Variants in COPG2 observed in about 807,000 individuals in gnomAD.
COPG2 encodes the protein coat protein complex I subunit gamma 2, also known as coatomer subunit gamma-2.
A neutral mutation model predicts 46.3 loss-of-function variants in COPG2; 37 were observed. The ratio of observed to expected loss-of-function variants is 0.80; its 90% CI spans 0.61 to 1.05. COPG2 has a LOEUF of 1.05. COPG2 is among the 50% of genes least tolerant of loss of function. The pLI is 0.00. For synonymous variants in COPG2, 159 were observed against 129.7 expected, an observed-to-expected ratio of 1.23 and a Z score of -1.53; for missense variants, 427 against 387.8, an observed-to-expected ratio of 1.10 and a Z score of -0.85.
At chr7:130,556,539 T>C (rs1793629885) in intron 12 of COPG2, among the ~76,000 whole-genome samples, 1 of 152,186 alleles carries the variant, frequency 6.6e-6, no homozygotes, top group African/African-American at 2.4e-5. Context: ...ATAATGTTTG[T>C]ATGAAGCAAT....
intron 20 of COPG2, among the ~76,000 whole-genome samples, chr7:130,510,436 G>A (rs1554440880): frequency 1.3e-5 from 2 of 152,154 alleles, no homozygotes; most frequent in African/African-American, 4.8e-5. Context: ...AAGAGATACA[G>A]AATATGGTAG....
intron 9 of COPG2, among the ~76,000 whole-genome samples, chr7:130,577,450 G>C (rs540856922): frequency 6.6e-6 from 1 of 152,316 alleles, no homozygotes; most frequent in East Asian, 1.9e-4. Flanking sequence ...CGAATATTGA[G>C]CTTTTCCGAC....
At chr7:130,645,219 G>A (rs1218764279) in intron 5 of COPG2, 8 of 698,022 alleles carry the variant, frequency 1.1e-5, no homozygotes, top group African/African-American at 1.8e-5. Flanking sequence ...TGAGCTACTC[G>A]GCTGTGTGAG....
chr7:130,514,861 A>G (rs1434144787), intron 20 of COPG2, among the ~76,000 whole-genome samples: 1 of 152,188 alleles, frequency 6.6e-6, no homozygotes, highest in East Asian at 1.9e-4. Flanking sequence ...TGCCTGGAGA[A>G]TCCTGCCAGA....
intron 9 of COPG2, among the ~76,000 whole-genome samples, chr7:130,594,438 T>G (rs1794486919): frequency 6.6e-6 from 1 of 152,186 alleles, no homozygotes; most frequent in Admixed American, 6.5e-5. Flanking sequence ...TAAATCTTTG[T>G]GACCTTGAAT....
At chr7:130,527,708 G>GAC (rs1799786980) in intron 20 of COPG2, among the ~76,000 whole-genome samples, 3 of 152,142 alleles carry the variant, frequency 2.0e-5, no homozygotes. Context: ...GAGCCGGGCA[G>GAC]ATACGTGGAG....
chr7:130,558,697 T>C (rs1372628720), intron 12 of COPG2, among the ~76,000 whole-genome samples: 1 of 152,086 alleles, frequency 6.6e-6, no homozygotes, highest in Non-Finnish European at 1.5e-5. Context: ...ATTTTTGTAT[T>C]TTTTTGTAGA....
chr7:130,510,497 T>TTTTTTTTTCC (rs2116328988), intron 20 of COPG2, among the ~76,000 whole-genome samples: 1 of 152,240 alleles, frequency 6.6e-6, no homozygotes, highest in Admixed American at 6.5e-5. Flanking sequence ...AGACATTAAT[T>TTTTTTTTTCC]ATAGCAACCC....
chr7:130,531,121 G>A, intron 20 of COPG2, among the ~76,000 whole-genome samples: 1 of 121,232 alleles, frequency 8.2e-6, no homozygotes, highest in Non-Finnish European at 1.7e-5. Context: ...TTGGGTGGGG[G>A]TTGCATGGGA....
At position 130,547,562 on chromosome 7, in the gene COPG2, CATT is replaced by C. The variant is rs1452283338; in HGVS notation, c.2149+109_2149+111del. ...CAAACACACACACACAAACACTCAT[CATT>C]AAATTCTAGAAAAGCATCACATTCT... On this transcript the variant is annotated intron_variant, in intron 20 of 23. Transcript: ENST00000425248. The C allele has an allele frequency of 8.4e-3, 3,352 of 397,652 alleles. 20 individuals carry two copies. The highest frequency in any genetic ancestry group is 0.032 in the Middle Eastern group (50 of 1,586). 24.6% of individuals were successfully genotyped at this position (397,652 alleles called of 1,614,324 possible). A position where few individuals can be genotyped will look rare whatever the true frequency, so the allele number is the denominator to read the frequency against.
chr7:130,526,147 G>A, intron 20 of COPG2, among the ~76,000 whole-genome samples: 1 of 152,278 alleles, frequency 6.6e-6, no homozygotes, highest in Middle Eastern at 3.4e-3. Flanking sequence ...AAAAAGAGGA[G>A]AAAAGGCTGG....
At chr7:130,623,797 C>A (rs1360939909) in intron 5 of COPG2, among the ~76,000 whole-genome samples, 2 of 151,538 alleles carry the variant, frequency 1.3e-5, no homozygotes, top group Non-Finnish European at 2.9e-5. Flanking sequence ...ACAGCCTGGG[C>A]AACATAATGA....
intron 9 of COPG2, among the ~76,000 whole-genome samples, chr7:130,597,666 C>A (rs1554449866): frequency 6.6e-6 from 1 of 151,846 alleles, no homozygotes; most frequent in Non-Finnish European, 1.5e-5. Flanking sequence ...AAAAAAGGTA[C>A]CACTAAGCCT....
intron 20 of COPG2, among the ~76,000 whole-genome samples, chr7:130,536,787 T>G (rs1471264885): frequency 6.6e-6 from 1 of 152,092 alleles, no homozygotes; most frequent in Non-Finnish European, 1.5e-5. Context: ...AGCTGGGATT[T>G]CCAGCGCCTC....
At chr7:130,514,440 T>C (rs1799660281) in intron 20 of COPG2, among the ~76,000 whole-genome samples, 1 of 152,164 alleles carries the variant, frequency 6.6e-6, no homozygotes, top group Non-Finnish European at 1.5e-5. Context: ...ATGAATATCA[T>C]GTAAGTGCGG....
intron 20 of COPG2, among the ~76,000 whole-genome samples, chr7:130,519,312 T>A (rs1421601436): frequency 3.9e-5 from 6 of 152,220 alleles, no homozygotes; most frequent in African/African-American, 1.4e-4. Flanking sequence ...GGAAAAAGAT[T>A]TGAAGCAATT....
chr7:130,572,523 C>G (rs1554445687), intron 9 of COPG2, among the ~76,000 whole-genome samples: 2 of 152,010 alleles, frequency 1.3e-5, no homozygotes, highest in African/African-American at 4.8e-5. Flanking sequence ...TGTTGTTCAA[C>G]CAGAACTGAA....
At chr7:130,543,547 A>C (rs1249603455) in intron 20 of COPG2, among the ~76,000 whole-genome samples, 2 of 152,232 alleles carry the variant, frequency 1.3e-5, no homozygotes, top group African/African-American at 4.8e-5. Context: ...TCAGAATGTC[A>C]GTTCTACTAG....
chr7:130,594,285 G>A (rs959103019), intron 9 of COPG2, among the ~76,000 whole-genome samples: 4 of 151,996 alleles, frequency 2.6e-5, no homozygotes, highest in Admixed American at 6.6e-5. Flanking sequence ...TTCATGAAAC[G>A]GTGCTGAGAC....
Sources: allele counts gnomAD v4.1 joint callset (sites outside exome capture counted in the v4.1 genomes callset), GRCh38; gene constraint gnomAD v4.1.1; transcripts MANE v1.5; gene names NCBI Gene and HGNC (gene_info 2026-07-23, HGNC 2026-07-21).